The following SLC17A6 variants were observed in gnomAD, a reference collection of about 807,000 sequenced individuals.
The protein encoded by SLC17A6 is solute carrier family 17 member 6.
SLC17A6 carries 35 observed loss-of-function variants against 67.1 expected under a neutral mutation model. The ratio of observed to expected loss-of-function variants is 0.52; its 90% CI spans 0.40 to 0.69. The LOEUF is 0.69. Among genes scored for constraint, SLC17A6 ranks in the 30% least tolerant of loss-of-function variants. The probability of loss-of-function intolerance (pLI) is 0.00; values close to 1 mark genes in which losing one functional copy is unlikely to be tolerated. For synonymous variants in SLC17A6, 285 were observed against 252.3 expected, an observed-to-expected ratio of 1.13 and a Z score of -1.23; for missense variants, 588 against 723.9, an observed-to-expected ratio of 0.81 and a Z score of 2.15.
intron 7 of SLC17A6, among the ~76,000 whole-genome samples, chr11:22,366,133 T>C (rs1477708454): frequency 6.6e-6 from 1 of 151,998 alleles, no homozygotes; most frequent in Non-Finnish European, 1.5e-5. Flanking sequence ...ACCCTACATA[T>C]AATGTTTTTC....
chr11:22,339,293 G>A (rs1260117711), intron 1 of SLC17A6, among the ~76,000 whole-genome samples: 1 of 150,484 alleles, frequency 6.6e-6, no homozygotes, highest in Non-Finnish European at 1.5e-5. Flanking sequence ...ATTGAATGAA[G>A]AAGAATCAAA....
In SLC17A6 at chr11:22,377,401, G is replaced by T; in HGVS notation, c.1414-4G>T. On this transcript the variant is annotated splice_polypyrimidine_tract_variant and splice_region_variant and intron_variant, in intron 11 of 11. Coordinates refer to ENST00000263160, the MANE Select transcript of SLC17A6 (RefSeq NM_020346.3). ...TCTCACAGTGCTGCTTTTTCTCACT[G>T]CAGTCACGTGAAGAGTGGCAGTATG... The T allele has an allele frequency of 1.3e-6, 2 of 1,597,028 alleles. No individual in the cohort carries two copies. The highest frequency in any genetic ancestry group is 1.7e-6 in the Non-Finnish European group (2 of 1,169,332).
intron 1 of SLC17A6, among the ~76,000 whole-genome samples, chr11:22,340,921 G>A (rs1242063303): frequency 6.6e-6 from 1 of 152,196 alleles, no homozygotes; most frequent in Non-Finnish European, 1.5e-5. Flanking sequence ...AGTCCAGGGG[G>A]TGCTCCAGGC....
At chr11:22,376,349 A>G (rs1856232805) in intron 10 of SLC17A6, among the ~76,000 whole-genome samples, 196 bp from the exon 11 acceptor site, 1 of 152,136 alleles carries the variant, frequency 6.6e-6, no homozygotes, top group South Asian at 2.1e-4. Flanking sequence ...TGGAGTGAAC[A>G]TCACATATTA....
chr11:22,351,208 C>T (rs140176961), intron 3 of SLC17A6, among the ~76,000 whole-genome samples: 53 of 152,056 alleles, frequency 3.5e-4, no homozygotes, highest in East Asian at 7.7e-4. Context: ...ATCTTTATCC[C>T]GCACATGACT....
chr11:22,362,229 T>A, intron 5 of SLC17A6: 1 of 476,392 alleles, frequency 2.1e-6, no homozygotes, highest in Admixed American at 2.6e-5. Context: ...GATGACATCT[T>A]CTGGCCATGC....
intron 4 of SLC17A6, among the ~76,000 whole-genome samples, chr11:22,360,620 T>A (rs1042870672): frequency 6.7e-6 from 1 of 148,924 alleles, no homozygotes; most frequent in Non-Finnish European, 1.5e-5. Flanking sequence ...TCAGGAAGTG[T>A]GAGCTCCAAG....
intron 3 of SLC17A6, among the ~76,000 whole-genome samples, chr11:22,352,751 GT>G (rs1855955385): frequency 6.6e-6 from 1 of 152,172 alleles, no homozygotes; most frequent in Non-Finnish European, 1.5e-5. Context: ...AAAGAGGTGT[GT>G]TTTTGAGGGT....
intron 3 of SLC17A6, among the ~76,000 whole-genome samples, chr11:22,348,078 C>T (rs914320405): frequency 6.6e-6 from 1 of 152,140 alleles, no homozygotes; most frequent in African/African-American, 2.4e-5. Context: ...TCTCATTTTA[C>T]AGAGCAGGAA....
In SLC17A6 at chr11:22,359,477, G is replaced by C. The variant is rs149318008; in HGVS notation, c.523G>C (p.Val175Leu). The change falls in exon 4 of 12, where the codon GTG becomes CTG. Residue 175 changes from valine (V) to leucine (L), a missense_variant. Around this residue, in one of 4 missense-constraint regions of SLC17A6, gnomAD observed 414 missense variants for 563.4 expected, o/e 0.73. Coordinates refer to ENST00000263160, the MANE Select transcript of SLC17A6 (RefSeq NM_020346.3). ...LNMLIPSAAR[V>L]HYGCVIFVRI... ...TATGCTAATTCCATCAGCAGCCAGA[G>C]TGCATTATGGATGTGTCATCTTTGT... 32 of 1,607,186 alleles carry C rather than the reference G, an allele frequency of 2.0e-5. No homozygotes were observed. Among genetic ancestry groups the C allele is most frequent in the Non-Finnish European group, 2.6e-5 (31 of 1,176,462 alleles).
chr11:22,363,098 A>G (rs544771805), intron 6 of SLC17A6, among the ~76,000 whole-genome samples: 40 of 152,294 alleles, frequency 2.6e-4, no homozygotes, highest in African/African-American at 9.6e-4. Context: ...TTATGAAAAA[A>G]TATTAAATTA....
intron 6 of SLC17A6, 60 bp from the exon 7 acceptor site, chr11:22,365,487 T>C: frequency 6.4e-7 from 1 of 1,570,016 alleles, no homozygotes. Context: ...ATTGCAGTTT[T>C]ATTGCAGCAC....
At chr11:22,341,396 C>G (rs1855813736) in intron 1 of SLC17A6, 132 bp from the exon 2 acceptor site, 1 of 1,341,744 alleles carries the variant, frequency 7.5e-7, no homozygotes, top group South Asian at 1.4e-5. Flanking sequence ...CCCCACCACC[C>G]TAATCCCCGA....
intron 7 of SLC17A6, among the ~76,000 whole-genome samples, chr11:22,368,404 A>G (rs536942988): frequency 6.6e-6 from 1 of 152,224 alleles, no homozygotes; most frequent in South Asian, 2.1e-4. Flanking sequence ...AAAAAACACT[A>G]ATAGTAAACA....
chr11:22,356,064 T>C (rs1397894791), intron 3 of SLC17A6, among the ~76,000 whole-genome samples: 1 of 152,214 alleles, frequency 6.6e-6, no homozygotes, highest in African/African-American at 2.4e-5. Context: ...GCCCTGGATT[T>C]AAATCTGAGC....
At chr11:22,345,828 A>G (rs896536736) in intron 3 of SLC17A6, among the ~76,000 whole-genome samples, 6 of 152,124 alleles carry the variant, frequency 3.9e-5, no homozygotes, top group Non-Finnish European at 7.4e-5. Context: ...AGTAAGAAAA[A>G]AATTATAAAA....
At chr11:22,345,661 T>C (rs1396576648) in intron 3 of SLC17A6, among the ~76,000 whole-genome samples, 1 of 152,178 alleles carries the variant, frequency 6.6e-6, no homozygotes, top group Non-Finnish European at 1.5e-5. Context: ...TAGAAAATTA[T>C]AGAGATCAAC....
chr11:22,348,391 A>AT (rs1422589820), intron 3 of SLC17A6, among the ~76,000 whole-genome samples: 28 of 152,096 alleles, frequency 1.8e-4, no homozygotes, highest in Admixed American at 5.9e-4. Flanking sequence ...ATCATACTGA[A>AT]TTTTTTGTGT....
chr11:22,346,972 T>G (rs1855884150), intron 3 of SLC17A6, among the ~76,000 whole-genome samples: 1 of 151,790 alleles, frequency 6.6e-6, no homozygotes, highest in East Asian at 1.9e-4. Context: ...TTGCCTTTAT[T>G]TAGGTGGTGA....
Sources: gnomAD v4.1 joint callset for allele counts (sites outside exome capture counted in the v4.1 genomes callset) on GRCh38, gnomAD v4.1.1 for gene constraint, gnomAD v4.1.1 regional missense constraint, MANE v1.5 for transcripts, NCBI Gene and HGNC (gene_info 2026-07-23, HGNC 2026-07-21) for gene names.